Variants in ZNF462 observed in about 807,000 individuals in gnomAD.
ZNF462 encodes zinc finger PBX1-interacting protein.
ZNF462 carries 10 observed loss-of-function variants against 201.9 expected under a neutral mutation model. That is an observed-to-expected ratio of 0.05 (90% CI 0.03 to 0.08). The LOEUF (loss-of-function observed/expected upper bound fraction) is 0.08, where lower values mean the gene tolerates loss of function less well. ZNF462 is among the 10% of genes least tolerant of loss of function. The probability of loss-of-function intolerance (pLI) is 1.00; values close to 1 mark genes in which losing one functional copy is unlikely to be tolerated. For synonymous variants in ZNF462, 1,227 were observed against 1,193.3 expected, an observed-to-expected ratio of 1.03 and a Z score of -0.58; for missense variants, 2,523 against 3,168.3, an observed-to-expected ratio of 0.80 and a Z score of 4.89.
At chr9:106,921,352 A>T (rs1418289888) in intron 1 of ZNF462, among the ~76,000 whole-genome samples, 1 of 152,238 alleles carries the variant, frequency 6.6e-6, no homozygotes, top group Admixed American at 6.5e-5. Context: ...TCAGAGAGAA[A>T]TGAAAACAGT....
At position 106,972,132 on chromosome 9, in the gene ZNF462, G is replaced by A; in HGVS notation, c.6555G>A (p.Gln2185=). The A allele has an allele frequency of 6.2e-7, 1 of 1,614,206 alleles. No homozygotes were observed. The highest frequency in any genetic ancestry group is 8.5e-7 in the Non-Finnish European group (1 of 1,180,038). The part of the protein sequence containing the change: ...PLSGAAAGTE[Q]KTEAVLHCEF... ...CTGGGGCTGCTGCTGGCACTGAGCA[G>A]AAAACTGAAGCCGTGCTTCACTGCG... Residue 2185 remains glutamine, a synonymous_variant, in exon 8 of 13, where the codon CAG becomes CAA. Transcript: ENST00000277225. The surrounding 1 kb of genome is among the most constrained non-coding windows in gnomAD (Gnocchi z 4.8).
intron 7 of ZNF462, among the ~76,000 whole-genome samples, chr9:106,946,273 G>C (rs1463569994): frequency 6.6e-6 from 1 of 152,178 alleles, no homozygotes; most frequent in African/African-American, 2.4e-5. Context: ...GTATCTAAAA[G>C]AGAAGAAATC....
chr9:106,872,111 CTAAT>C lies in ZNF462; in HGVS notation c.-31+8759_-31+8762del, dbSNP rs1480530027. Among the ~76,000 whole-genome samples the C allele has an allele frequency of 6.6e-6, 1 of 152,176 alleles. No homozygotes were observed. Among genetic ancestry groups the C allele is most frequent in the Non-Finnish European group, 1.5e-5 (1 of 68,032 alleles). On this transcript the variant is annotated intron_variant, in intron 1 of 12. Coordinates refer to ENST00000277225, the MANE Select transcript of ZNF462 (RefSeq NM_021224.6). This position sits in a 1 kb window ranked among gnomAD's most constrained non-coding sequence, Gnocchi z 4.5. The stretch of plus-strand genomic sequence containing the variant: ...ATTACATCATCCCTCTGTGTTATGA[CTAAT>C]TAGTCAGCAATTGAGCACCAATCAT...
intron 1 of ZNF462, among the ~76,000 whole-genome samples, chr9:106,910,303 A>T (rs1297430260): frequency 8.2e-6 from 1 of 121,944 alleles, no homozygotes; most frequent in Non-Finnish European, 1.7e-5. Flanking sequence ...TCCAAAATAG[A>T]TTTTTTCATG....
chr9:106,960,390 G>A (rs539615053), intron 7 of ZNF462, among the ~76,000 whole-genome samples: 2 of 152,048 alleles, frequency 1.3e-5, no homozygotes, highest in African/African-American at 2.4e-5. Context: ...CCTTGCCCAC[G>A]GCCTGTGAGC....
At chr9:106,907,281 C>G (rs555403181) in intron 1 of ZNF462, among the ~76,000 whole-genome samples, 1 of 152,212 alleles carries the variant, frequency 6.6e-6, no homozygotes, top group South Asian at 2.1e-4. Context: ...CTGTGTCACA[C>G]TGGATTTGGA....
intron 1 of ZNF462, among the ~76,000 whole-genome samples, chr9:106,874,095 A>G (rs902792993): frequency 6.6e-6 from 1 of 151,822 alleles, no homozygotes; most frequent in Non-Finnish European, 1.5e-5. Flanking sequence ...ATTTTCTTAG[A>G]TAAAGGACTA....
chr9:106,931,643 G>A (rs1478865721), intron 4 of ZNF462, among the ~76,000 whole-genome samples: 1 of 152,190 alleles, frequency 6.6e-6, no homozygotes, highest in Non-Finnish European at 1.5e-5. Context: ...GATCATGTGA[G>A]AGAGACAGAA....
chr9:106,900,458 A>C (rs1472959940), intron 1 of ZNF462, among the ~76,000 whole-genome samples: 1 of 152,170 alleles, frequency 6.6e-6, no homozygotes, highest in Admixed American at 6.5e-5. Context: ...GGATCTCCAC[A>C]CTGTTACACT....
chr9:106,997,151 T>A (rs944574052), intron 10 of ZNF462, among the ~76,000 whole-genome samples: 1 of 152,062 alleles, frequency 6.6e-6, no homozygotes, highest in South Asian at 2.1e-4. Context: ...TAAATGAAAT[T>A]GTACATATGT....
chr9:106,921,501 C>T (rs1412507588), intron 1 of ZNF462, among the ~76,000 whole-genome samples: 1 of 152,138 alleles, frequency 6.6e-6, no homozygotes, highest in Non-Finnish European at 1.5e-5. Flanking sequence ...AAATGGCTGC[C>T]CCTAAAGCTC....
intron 10 of ZNF462, among the ~76,000 whole-genome samples, chr9:106,997,324 A>G (rs1166556750): frequency 2.0e-5 from 3 of 152,162 alleles, no homozygotes; most frequent in Non-Finnish European, 4.4e-5. Flanking sequence ...CCACTTCTGG[A>G]TATTTAACTA....
At position 106,932,850 on chromosome 9, in the gene ZNF462, G is replaced by A. The variant is rs756379738; in HGVS notation, c.6116+301G>A. Reference sequence around the variant, plus strand: ...GAGTAGATGAGTCTCCTGATTCATCGTTCAAACATTCAGCCAAAATCTAGT... The same window carrying A: ...GAGTAGATGAGTCTCCTGATTCATCATTCAAACATTCAGCCAAAATCTAGT... On this transcript the variant is annotated intron_variant, in intron 5 of 12. Coordinates refer to ENST00000277225, the MANE Select transcript of ZNF462 (RefSeq NM_021224.6). This position sits in a 1 kb window ranked among gnomAD's most constrained non-coding sequence, Gnocchi z 6.8. 1.2e-5 allele frequency: 6 copies of A among 488,008 alleles called. No homozygotes were observed. Among genetic ancestry groups the A allele is most frequent in the South Asian group, 1.1e-4 (4 of 37,270 alleles). 30.2% of individuals were successfully genotyped at this position (488,008 alleles called of 1,614,324 possible). A position where few individuals can be genotyped will look rare whatever the true frequency, so the allele number is the denominator to read the frequency against.
chr9:106,893,450 A>G (rs1828677116), intron 1 of ZNF462, among the ~76,000 whole-genome samples: 1 of 152,208 alleles, frequency 6.6e-6, no homozygotes, highest in South Asian at 2.1e-4. Flanking sequence ...ATGGCTTGCT[A>G]TGGCTTTTGC....
At chr9:106,931,114 A>C (rs1830406567) in intron 4 of ZNF462, 1 of 162,556 alleles carries the variant, frequency 6.2e-6, no homozygotes, top group South Asian at 1.7e-4. Flanking sequence ...GAGGATGCAG[A>C]GAGCCTAGGA....
chr9:106,927,270 TC>T lies in ZNF462; in HGVS notation c.3360del (p.Tyr1121ThrfsTer20). 1 of 1,600,400 alleles carries T rather than the reference TC, an allele frequency of 6.2e-7. No homozygotes were observed. The highest frequency in any genetic ancestry group is 8.5e-7 in the Non-Finnish European group (1 of 1,173,366). ...STELYYCKHC[S>X]YSNRSVVGVL... ...TGAGCTTTACTACTGCAAACACTGT[TC>T]CTACAGCAATCGGTCAGTTGTGGGA... On this transcript the variant is annotated frameshift_variant, in exon 3 of 13. Transcript: ENST00000277225. LOFTEE classifies it high-confidence loss of function.
At chr9:106,863,547 G>GGAGGAGGGA (rs1827149364) in intron 1 of ZNF462, among the ~76,000 whole-genome samples, 192 bp downstream of exon 1, 1 of 150,960 alleles carries the variant, frequency 6.6e-6, no homozygotes, top group African/African-American at 2.4e-5. Flanking sequence ...AGGAGGAGGG[G>GGAGGAGGGA]GAGGAGGGAG....
rs1312464244 is a variant in ZNF462 at position 106,870,936 on chromosome 9, AT to A, written c.-31+7582del. 2.0e-5 allele frequency among the ~76,000 whole-genome samples: 3 copies of A among 152,134 alleles called. No homozygotes were observed. Among genetic ancestry groups the A allele is most frequent in the African/African-American group, 7.2e-5 (3 of 41,418 alleles). Reference sequence around the variant, plus strand: ...TTTCCTGTTCAGATTTAAGAAGGTAATGCCATTATTCTTCAGTTTTGCTCAT... The same window carrying A: ...TTTCCTGTTCAGATTTAAGAAGGTAAGCCATTATTCTTCAGTTTTGCTCAT... On this transcript the variant is annotated intron_variant, in intron 1 of 12. Transcript: ENST00000277225. This position sits in a 1 kb window ranked among gnomAD's most constrained non-coding sequence, Gnocchi z 4.3.
chr9:106,907,602 C>T (rs1219916553), intron 1 of ZNF462, among the ~76,000 whole-genome samples: 2 of 151,692 alleles, frequency 1.3e-5, no homozygotes, highest in Non-Finnish European at 2.9e-5. Context: ...ATGTTTTGCC[C>T]TACTCCCTTT....
Sources: gnomAD v4.1 joint callset for allele counts (sites outside exome capture counted in the v4.1 genomes callset) on GRCh38, gnomAD v4.1.1 for gene constraint, Gnocchi (gnomAD v3.1) non-coding constraint, MANE v1.5 for transcripts, NCBI Gene and HGNC (gene_info 2026-07-23, HGNC 2026-07-21) for gene names.